Variants in WWOX observed in about 807,000 individuals in gnomAD.
The protein encoded by WWOX is WW domain containing oxidoreductase, also known as WW domain-containing oxidoreductase.
Under a neutral mutation model 46.2 loss-of-function variants are expected in WWOX, and 69 were observed. The observed-to-expected ratio is 1.49, with a 90% CI of 1.23 to 1.82. The LOEUF (loss-of-function observed/expected upper bound fraction) is 1.82, where lower values mean the gene tolerates loss of function less well. WWOX is among the 40% of genes most tolerant of loss of function. The pLI is 0.00. For synonymous variants in WWOX, 359 were observed against 202.6 expected, an observed-to-expected ratio of 1.77 and a Z score of -6.56; for missense variants, 919 against 542.6, an observed-to-expected ratio of 1.69 and a Z score of -6.89.
intron 8 of WWOX, among the ~76,000 whole-genome samples, chr16:78,725,868 C>A (rs141419695): frequency 1.3e-5 from 2 of 151,902 alleles, no homozygotes; most frequent in African/African-American, 2.4e-5. Flanking sequence ...CTGCCTTTGT[C>A]GCTGCATGTC....
chr16:79,144,477 A>G (rs895007637), intron 8 of WWOX, among the ~76,000 whole-genome samples: 7 of 152,204 alleles, frequency 4.6e-5, no homozygotes, highest in African/African-American at 1.7e-4. Context: ...AATGTCCATG[A>G]AAAGACCTGG....
At chr16:79,120,859 C>A (rs1158234678) in intron 8 of WWOX, among the ~76,000 whole-genome samples, 1 of 152,194 alleles carries the variant, frequency 6.6e-6, no homozygotes, top group East Asian at 1.9e-4. Context: ...TCCTCCATCT[C>A]CCAGGCTTAA....
intron 8 of WWOX, among the ~76,000 whole-genome samples, chr16:79,039,329 A>G (rs2047927640): frequency 1.3e-5 from 2 of 151,980 alleles, no homozygotes; most frequent in Admixed American, 1.3e-4. Flanking sequence ...AAGCCAAGTC[A>G]CCTCATCTGT....
Position 78,985,228 on chromosome 16 carries a change from T to C in WWOX, c.1057-226380T>C, listed in dbSNP as rs151201018. Among the ~76,000 whole-genome samples the C allele has an allele frequency of 2.7e-3, 411 of 152,296 alleles. 2 individuals carry two copies. The highest frequency in any genetic ancestry group is 9.2e-3 in the African/African-American group (382 of 41,554). On this transcript the variant is annotated intron_variant, in intron 8 of 8. Transcript: ENST00000566780. ...TGGAGAGAGCTCCATTTCCTGTTGA[T>C]CATGAGGGTTTTACAGGCACAAACG...
intron 8 of WWOX, among the ~76,000 whole-genome samples, chr16:78,595,880 C>G (rs2045477641): frequency 6.6e-6 from 1 of 152,064 alleles, no homozygotes; most frequent in African/African-American, 2.4e-5. Flanking sequence ...CAACAGGGCA[C>G]CAGAATTTAT....
At chr16:79,027,294 A>T (rs2047665342) in intron 8 of WWOX, among the ~76,000 whole-genome samples, 1 of 149,336 alleles carries the variant, frequency 6.7e-6, no homozygotes, top group Non-Finnish European at 1.5e-5. Flanking sequence ...AAAAAAAAAA[A>T]GGTAGAGATG....
At chr16:79,170,547 G>T (rs28734072) in intron 8 of WWOX, among the ~76,000 whole-genome samples, 3,869 of 152,208 alleles carry the variant, frequency 0.025, 198 homozygotes, top group African/African-American at 0.089. Context: ...AATGAAATCT[G>T]ACTGTAAATT....
intron 5 of WWOX, among the ~76,000 whole-genome samples, chr16:78,254,550 G>C (rs2038077192): frequency 8.0e-6 from 1 of 125,418 alleles, no homozygotes; most frequent in South Asian, 2.7e-4. Context: ...CTGTGGCCCA[G>C]GCTAGTATGC....
intron 5 of WWOX, among the ~76,000 whole-genome samples, chr16:78,316,910 G>A (rs539386539): frequency 1.3e-5 from 2 of 152,280 alleles, no homozygotes; most frequent in Non-Finnish European, 2.9e-5. Flanking sequence ...TTATCTTTGT[G>A]AATTCATTAT....
At chr16:78,649,956 T>G (rs73565252) in intron 8 of WWOX, among the ~76,000 whole-genome samples, 1 of 152,204 alleles carries the variant, frequency 6.6e-6, no homozygotes, top group Non-Finnish European at 1.5e-5. Context: ...GATTCATTTC[T>G]CTTATCTGTA....
At chr16:78,558,272 T>A (rs996723558) in intron 8 of WWOX, among the ~76,000 whole-genome samples, 10 of 152,240 alleles carry the variant, frequency 6.6e-5, no homozygotes, top group African/African-American at 2.4e-4. Context: ...CATCCTCGTT[T>A]CCCAGTCATA....
chr16:78,959,331 CA>C (rs1364844704), intron 8 of WWOX, among the ~76,000 whole-genome samples: 3 of 152,170 alleles, frequency 2.0e-5, no homozygotes, highest in Non-Finnish European at 4.4e-5. Context: ...TGCTGCCAGC[CA>C]AGTGCTGTGC....
At chr16:78,594,608 G>A (rs563874250) in intron 8 of WWOX, among the ~76,000 whole-genome samples, 3 of 152,034 alleles carry the variant, frequency 2.0e-5, no homozygotes, top group African/African-American at 7.2e-5. Flanking sequence ...TCCTTTCCTG[G>A]TTGTTTCCAG....
intron 6 of WWOX, among the ~76,000 whole-genome samples, chr16:78,392,635 C>G (rs1040890795): frequency 1.3e-5 from 2 of 152,100 alleles, no homozygotes; most frequent in Non-Finnish European, 2.9e-5. Flanking sequence ...GTGATTGCAT[C>G]TCTGTGGTGT....
At chr16:78,987,014 G>C (rs2046796663) in intron 8 of WWOX, among the ~76,000 whole-genome samples, 1 of 152,088 alleles carries the variant, frequency 6.6e-6, no homozygotes, top group Non-Finnish European at 1.5e-5. Flanking sequence ...AGGGATCAGA[G>C]GAGGCTGGCT....
chr16:78,585,573 G>T (rs1269827531), intron 8 of WWOX, among the ~76,000 whole-genome samples: 1 of 152,006 alleles, frequency 6.6e-6, no homozygotes, highest in Non-Finnish European at 1.5e-5. Context: ...CCTTATAGTG[G>T]CTCCACCAGG....
intron 5 of WWOX, among the ~76,000 whole-genome samples, chr16:78,386,553 T>C (rs1261143320): frequency 2.6e-5 from 4 of 152,060 alleles, no homozygotes; most frequent in Admixed American, 6.6e-5. Context: ...GGATGCAGAT[T>C]GAGAGGAGAT....
chr16:78,567,047 G>C (rs2044586878), intron 8 of WWOX, among the ~76,000 whole-genome samples: 1 of 152,134 alleles, frequency 6.6e-6, no homozygotes, highest in Non-Finnish European at 1.5e-5. Context: ...TTCATTATTT[G>C]TTAATCCCAC....
intron 8 of WWOX, among the ~76,000 whole-genome samples, chr16:79,031,109 AT>A (rs200361683): frequency 2.0e-5 from 3 of 151,004 alleles, no homozygotes; most frequent in South Asian, 2.1e-4. Context: ...AAAAAAAAAA[AT>A]CCAGTAGGAA....
Sources: gnomAD v4.1 joint callset for allele counts (sites outside exome capture counted in the v4.1 genomes callset) on GRCh38, gnomAD v4.1.1 for gene constraint, MANE v1.5 for transcripts, NCBI Gene and HGNC (gene_info 2026-07-23, HGNC 2026-07-21) for gene names.